CADM2: variants seen among roughly 807,000 people sequenced by gnomAD.
CADM2 encodes the protein cell adhesion molecule 2, also known as immunoglobulin superfamily member 4D.
In CADM2, 12 loss-of-function variants were observed where a neutral mutation model predicts 49.8. The ratio of observed to expected loss-of-function variants is 0.24; its 90% CI spans 0.15 to 0.39. The LOEUF (loss-of-function observed/expected upper bound fraction) is 0.39, where lower values mean the gene tolerates loss of function less well. Ranked by LOEUF, CADM2 falls within the 10% of genes least tolerant of loss-of-function variation. The probability of loss-of-function intolerance (pLI) is 1.00; values close to 1 mark genes in which losing one functional copy is unlikely to be tolerated. For synonymous variants in CADM2, 214 were observed against 175.4 expected, an observed-to-expected ratio of 1.22 and a Z score of -1.74; for missense variants, 378 against 492.3, an observed-to-expected ratio of 0.77 and a Z score of 2.20.
chr3:85,109,129 G>A (rs942506631), intron 1 of CADM2, among the ~76,000 whole-genome samples: 3 of 151,858 alleles, frequency 2.0e-5, no homozygotes, highest in African/African-American at 7.3e-5. Flanking sequence ...GGGAGGAGGG[G>A]GAAGTGACTA....
At chr3:86,002,382 T>C (rs1427691847) in intron 8 of CADM2, among the ~76,000 whole-genome samples, 1 of 152,178 alleles carries the variant, frequency 6.6e-6, no homozygotes, top group East Asian at 1.9e-4. Flanking sequence ...GCCATATATG[T>C]TAATATAGTA....
intron 8 of CADM2, among the ~76,000 whole-genome samples, chr3:86,057,454 C>T (rs1267321806): frequency 6.6e-6 from 1 of 151,970 alleles, no homozygotes; most frequent in East Asian, 1.9e-4. Context: ...GGCAGTGATC[C>T]GTTGCTCAGC....
At chr3:85,890,219 T>C (rs1430133498) in intron 5 of CADM2, among the ~76,000 whole-genome samples, 3 of 151,776 alleles carry the variant, frequency 2.0e-5, no homozygotes, top group Non-Finnish European at 4.4e-5. Flanking sequence ...AGGGGAAGGG[T>C]AGACAATGAG....
At chr3:85,261,157 G>T (rs2043006961) in intron 1 of CADM2, among the ~76,000 whole-genome samples, 1 of 151,214 alleles carries the variant, frequency 6.6e-6, no homozygotes, top group African/African-American at 2.4e-5. Flanking sequence ...TATTTTTTGA[G>T]AAAGAGTCTC....
At chr3:85,722,837 A>T (rs1019063831) in intron 1 of CADM2, among the ~76,000 whole-genome samples, 3 of 152,180 alleles carry the variant, frequency 2.0e-5, no homozygotes, top group Non-Finnish European at 4.4e-5. Flanking sequence ...CCATTTCAAG[A>T]AATGCATTTT....
chr3:85,853,965 G>A (rs2075206768), intron 3 of CADM2, among the ~76,000 whole-genome samples: 1 of 152,106 alleles, frequency 6.6e-6, no homozygotes, highest in African/African-American at 2.4e-5. Context: ...GAGCTTTGTG[G>A]TGATGTAATG....
intron 6 of CADM2, among the ~76,000 whole-genome samples, chr3:85,920,712 A>G (rs749939880): frequency 6.6e-6 from 1 of 151,768 alleles, no homozygotes; most frequent in Non-Finnish European, 1.5e-5. Context: ...ATCATCAGGT[A>G]TTTTAAGCCA....
At chr3:85,581,401 A>C (rs1551042) in intron 1 of CADM2, among the ~76,000 whole-genome samples, 87,652 of 149,036 alleles carry the variant, frequency 0.59, 27,121 homozygotes, top group East Asian at 0.93. Context: ...AGAATTAGAA[A>C]AAATTCTTCC....
intron 8 of CADM2, among the ~76,000 whole-genome samples, chr3:86,032,626 C>A (rs2107162821): frequency 6.6e-6 from 1 of 151,828 alleles, no homozygotes; most frequent in South Asian, 2.1e-4. Flanking sequence ...ATACTTAATG[C>A]AGGTTTATTA....
At chr3:85,169,894 A>G (rs1183420246) in intron 1 of CADM2, among the ~76,000 whole-genome samples, 5 of 152,244 alleles carry the variant, frequency 3.3e-5, no homozygotes, top group Admixed American at 6.5e-5. Context: ...AGACCATGAT[A>G]CCACTATTTT....
intron 2 of CADM2, among the ~76,000 whole-genome samples, chr3:85,777,742 A>G (rs553862950): frequency 3.5e-4 from 54 of 152,322 alleles, no homozygotes; most frequent in African/African-American, 1.3e-3. Context: ...TCAGTCTTCA[A>G]TAAGTACTTT....
chr3:85,544,645 G>A (rs1251793794), intron 1 of CADM2, among the ~76,000 whole-genome samples: 1 of 152,140 alleles, frequency 6.6e-6, no homozygotes, highest in Admixed American at 6.5e-5. Flanking sequence ...GTGAGAAAGC[G>A]TACAGAAGCC....
At chr3:85,797,504 C>A (rs139209005) in intron 2 of CADM2, among the ~76,000 whole-genome samples, 2 of 152,062 alleles carry the variant, frequency 1.3e-5, no homozygotes, top group African/African-American at 4.8e-5. Flanking sequence ...TGAGAACATG[C>A]GGTGTTTGGT....
intron 1 of CADM2, among the ~76,000 whole-genome samples, chr3:85,579,757 T>C (rs904784232): frequency 7.2e-5 from 11 of 152,050 alleles, no homozygotes; most frequent in African/African-American, 2.2e-4. Flanking sequence ...TCAATACAGG[T>C]CTCTAATTCA....
Position 85,521,298 on chromosome 3 carries a change from G to A in CADM2, c.62-205224G>A, listed in dbSNP as rs1399746634. 3.3e-5 allele frequency among the ~76,000 whole-genome samples: 5 copies of A among 151,988 alleles called. No homozygotes were observed. The East Asian group carries it at 9.7e-4, about 29-fold the overall frequency. On this transcript the variant is annotated intron_variant, in intron 1 of 9. Coordinates refer to ENST00000383699, the MANE Select transcript of CADM2 (RefSeq NM_001167675.2). ...TTTTAGGCAAATCCATTATATAACT[G>A]AATAAATGGCCTCTTTTTCCCCAGA... is the stretch of plus-strand genomic sequence containing the variant.
At chr3:85,819,867 T>C (rs1225804017) in intron 3 of CADM2, among the ~76,000 whole-genome samples, 4 of 152,060 alleles carry the variant, frequency 2.6e-5, no homozygotes, top group African/African-American at 9.7e-5. Context: ...AAGAAACTGA[T>C]CATAAACAAA....
chr3:85,071,561 T>C (rs972384324), intron 1 of CADM2, among the ~76,000 whole-genome samples: 1 of 152,156 alleles, frequency 6.6e-6, no homozygotes, highest in Non-Finnish European at 1.5e-5. Context: ...TGAGAATTCA[T>C]TTATTAAAAT....
Position 85,487,638 on chromosome 3 carries a change from A to AGG in CADM2, c.62-238884_62-238883insGG, listed in dbSNP as rs1472707120. On this transcript the variant is annotated intron_variant, in intron 1 of 9. Transcript: ENST00000383699. Reference sequence around the variant, plus strand: ...GAGGAGGAAGTGGAGGAGGAGGACGAAGAGGAGGAGGAGGAGGAGGAGAAG... The same window carrying AGG: ...GAGGAGGAAGTGGAGGAGGAGGACGAGGAGAGGAGGAGGAGGAGGAGGAGAAG... 1.8e-4 allele frequency among the ~76,000 whole-genome samples: 24 copies of AGG among 134,510 alleles called. No individual in the cohort carries two copies. The East Asian group carries it at 4.6e-3, about 26-fold the overall frequency. The allele number at this position is 134,510 out of a possible 152,430, so 88.2% of individuals were successfully genotyped here.
chr3:85,051,635 C>A (rs1426121952), intron 1 of CADM2, among the ~76,000 whole-genome samples: 1 of 151,960 alleles, frequency 6.6e-6, no homozygotes, highest in Non-Finnish European at 1.5e-5. Context: ...TCTAAATTAC[C>A]CAGAAATAAC....
Sources: gnomAD v4.1 joint callset for allele counts (sites outside exome capture counted in the v4.1 genomes callset) on GRCh38, gnomAD v4.1.1 for gene constraint, MANE v1.5 for transcripts, NCBI Gene and HGNC (gene_info 2026-07-23, HGNC 2026-07-21) for gene names.